Variants in NOSTRIN observed in about 807,000 individuals in gnomAD.
The protein encoded by NOSTRIN is nitric oxide synthase trafficking.
NOSTRIN carries 63 observed loss-of-function variants against 59.0 expected under a neutral mutation model. The observed-to-expected ratio is 1.07, with a 90% CI of 0.87 to 1.32. The LOEUF (loss-of-function observed/expected upper bound fraction) is 1.32, where lower values mean the gene tolerates loss of function less well. Among genes scored for constraint, NOSTRIN ranks in the 40% most tolerant of loss-of-function variants. The pLI, the probability that NOSTRIN is intolerant of heterozygous loss-of-function variation, is 0.00. For synonymous variants in NOSTRIN, 200 were observed against 165.4 expected, an observed-to-expected ratio of 1.21 and a Z score of -1.61; for missense variants, 512 against 473.1, an observed-to-expected ratio of 1.08 and a Z score of -0.76.
upstream of NOSTRIN, among the ~76,000 whole-genome samples, chr2:168,796,099 C>T (rs190438596): frequency 6.6e-6 from 1 of 152,286 alleles, no homozygotes; most frequent in Non-Finnish European, 1.5e-5. Flanking sequence ...AATGAGATTG[C>T]TTCTACACTT....
intron 2 of NOSTRIN, among the ~76,000 whole-genome samples, chr2:168,815,242 G>A (rs1214935066): frequency 6.6e-6 from 1 of 152,166 alleles, no homozygotes; most frequent in East Asian, 1.9e-4. Flanking sequence ...GTCATGCTTA[G>A]CTTCTTTTAT....
intron 2 of NOSTRIN, among the ~76,000 whole-genome samples, chr2:168,817,027 A>G (rs1037730389): frequency 2.0e-5 from 3 of 152,230 alleles, no homozygotes; most frequent in African/African-American, 4.8e-5. Flanking sequence ...AGGAGAGACC[A>G]CTTATTCAGT....
intron 7 of NOSTRIN, among the ~76,000 whole-genome samples, chr2:168,839,682 G>A (rs1687946137): frequency 6.6e-6 from 1 of 151,830 alleles, no homozygotes; most frequent in Non-Finnish European, 1.5e-5. Flanking sequence ...GGGAGGCTGA[G>A]GTGGGCAGAT....
upstream of NOSTRIN, among the ~76,000 whole-genome samples, chr2:168,795,960 A>T (rs578019793): frequency 2.8e-3 from 425 of 152,282 alleles, 3 homozygotes; most frequent in Non-Finnish European, 4.5e-3. Context: ...CCCTTAAAAA[A>T]TTTTTTTTAA....
upstream of NOSTRIN, among the ~76,000 whole-genome samples, chr2:168,800,371 C>T (rs1685580320): frequency 6.6e-6 from 1 of 152,230 alleles, no homozygotes; most frequent in African/African-American, 2.4e-5. Flanking sequence ...CTATTTCTGA[C>T]CTCCAAAATC....
intron 2 of NOSTRIN, among the ~76,000 whole-genome samples, chr2:168,814,914 AT>A (rs1177637364): frequency 6.6e-6 from 1 of 152,208 alleles, no homozygotes; most frequent in Non-Finnish European, 1.5e-5. Context: ...TCATAAACAA[AT>A]TTTTTTAAAT....
intron 8 of NOSTRIN, among the ~76,000 whole-genome samples, chr2:168,845,328 A>T (rs1459196306): frequency 6.6e-6 from 1 of 151,976 alleles, no homozygotes; most frequent in Non-Finnish European, 1.5e-5. Flanking sequence ...CTGTTAGGAG[A>T]TGGGAGAGAC....
chr2:168,859,602 C>G lies in NOSTRIN; in HGVS notation c.1144C>G (p.Pro382Ala). 6.2e-7 allele frequency: 1 copy of G among 1,614,034 alleles called. No individual in the cohort carries two copies. The highest frequency in any genetic ancestry group is 2.2e-5 in the East Asian group (1 of 44,866). Reference sequence around the variant, plus strand: ...TGAGCAAAGACCTCAACCCAGCCATCCTTGTAGTAATTCCATCTTCAGGTG... The same window carrying G: ...TGAGCAAAGACCTCAACCCAGCCATGCTTGTAGTAATTCCATCTTCAGGTG... Reference protein sequence around the residue: ...ELEQRPQPSHPCSNSIFRWRE... With the variant: ...ELEQRPQPSHACSNSIFRWRE... Residue 382 changes from proline (P) to alanine (A), a missense_variant, in exon 13 of 16, where the codon CCT (proline) becomes GCT (alanine). Pro to Ala is a conservative substitution (Grantham distance 27). Coordinates refer to ENST00000317647, the MANE Select transcript of NOSTRIN (RefSeq NM_001039724.4).
chr2:168,807,428 G>A (rs1260535956), intron 1 of NOSTRIN, among the ~76,000 whole-genome samples: 2 of 152,172 alleles, frequency 1.3e-5, no homozygotes, highest in Non-Finnish European at 2.9e-5. Context: ...TTTATGCTGG[G>A]ATAATGAAAA....
intron 14 of NOSTRIN, among the ~76,000 whole-genome samples, chr2:168,861,569 AACAGTTCCAT>A (rs369248367): frequency 1.4e-4 from 21 of 152,320 alleles, no homozygotes; most frequent in African/African-American, 5.1e-4. Context: ...TTGTTTGAGA[AACAGTTCCAT>A]ACACAGCTAG....
intron 11 of NOSTRIN, chr2:168,856,118 G>A (rs751036077): frequency 2.8e-5 from 6 of 211,508 alleles, no homozygotes; most frequent in Non-Finnish European, 4.8e-5. Flanking sequence ...AGAATGGGTC[G>A]ACTGAAAGAA....
upstream of NOSTRIN, among the ~76,000 whole-genome samples, chr2:168,799,412 G>A (rs1685560880): frequency 6.6e-6 from 1 of 152,086 alleles, no homozygotes; most frequent in Non-Finnish European, 1.5e-5. Context: ...AGTCCCCTTG[G>A]GCCATTTTTG....
intron 1 of NOSTRIN, among the ~76,000 whole-genome samples, chr2:168,803,568 A>G (rs1001228825): frequency 6.6e-6 from 1 of 152,208 alleles, no homozygotes; most frequent in African/African-American, 2.4e-5. Flanking sequence ...TCAATGGATA[A>G]GAAAAGCACA....
intron 2 of NOSTRIN, among the ~76,000 whole-genome samples, chr2:168,815,920 C>G (rs1004540571): frequency 6.6e-6 from 1 of 152,182 alleles, no homozygotes; most frequent in Non-Finnish European, 1.5e-5. Context: ...TGCCTGGGAC[C>G]ATCTGTATCC....
chr2:168,816,089 GT>G (rs1686381526), intron 2 of NOSTRIN, among the ~76,000 whole-genome samples: 1 of 152,200 alleles, frequency 6.6e-6, no homozygotes, highest in Non-Finnish European at 1.5e-5. Flanking sequence ...TAGCCGTGGA[GT>G]TTGTATGCTG....
At chr2:168,837,351 C>A (rs1687795816) in intron 7 of NOSTRIN, among the ~76,000 whole-genome samples, 1 of 130,334 alleles carries the variant, frequency 7.7e-6, no homozygotes, top group African/African-American at 2.9e-5. Context: ...GCTGTGTCGC[C>A]CAGGCTGGAG....
intron 3 of NOSTRIN, among the ~76,000 whole-genome samples, chr2:168,825,957 G>A (rs1687039333): frequency 6.6e-6 from 1 of 152,182 alleles, no homozygotes; most frequent in South Asian, 2.1e-4. Context: ...AGACTACAGT[G>A]AAGCCAGTAT....
chr2:168,790,868 G>A (rs565971561), intron 2 of NOSTRIN, among the ~76,000 whole-genome samples: 20 of 152,340 alleles, frequency 1.3e-4, no homozygotes, highest in African/African-American at 4.8e-4. Flanking sequence ...TAAAATATTA[G>A]AAGGTGAAGG....
intron 15 of NOSTRIN, chr2:168,863,548 C>T (rs1256844625): frequency 1.0e-6 from 1 of 985,132 alleles, no homozygotes; most frequent in East Asian, 1.1e-4. Flanking sequence ...CTATGGAATT[C>T]TCTTTATTTG....
Sources: allele counts gnomAD v4.1 joint callset (sites outside exome capture counted in the v4.1 genomes callset), GRCh38; gene constraint gnomAD v4.1.1; transcripts MANE v1.5; gene names NCBI Gene and HGNC (gene_info 2026-07-23, HGNC 2026-07-21).